The following CPHXL2 variants were observed in gnomAD, a reference collection of about 807,000 sequenced individuals.
CPHXL2 encodes cytoplasmic polyadenylated homeobox-like protein 2.
At chr16:75,673,268 C>A in the CPHXL2 span, among the ~76,000 whole-genome samples, 138 of 151,850 alleles carry the variant, frequency 9.1e-4, no homozygotes, top group African/African-American at 3.1e-3. Flanking sequence ...AACCTCTTCT[C>A]TACGAAAAAT....
chr16:75,674,372 C>CAAAAAAAAAAAAAAA, the CPHXL2 span, among the ~76,000 whole-genome samples: 1 of 53,400 alleles, frequency 1.9e-5, no homozygotes, highest in Non-Finnish European at 3.7e-5. Context: ...GACTCCGTCT[C>CAAAAAAAAAAAAAAA]AAAAAAAAAA....
the CPHXL2 span, among the ~76,000 whole-genome samples, chr16:75,670,042 G>A: frequency 6.6e-6 from 1 of 152,110 alleles, no homozygotes; most frequent in African/African-American, 2.4e-5. Context: ...AGCCTCCCAA[G>A]TAGCTGGGAT....
At chr16:75,675,256 G>A in the CPHXL2 span, among the ~76,000 whole-genome samples, 2 of 150,532 alleles carry the variant, frequency 1.3e-5, no homozygotes, top group South Asian at 2.1e-4. Flanking sequence ...TTTTGACCTC[G>A]TGATCTGCCC....
the CPHXL2 span, chr16:75,660,813 T>C: frequency 2.5e-6 from 1 of 398,602 alleles, no homozygotes; most frequent in Non-Finnish European, 4.4e-6. Context: ...GAGAAAACGA[T>C]AGGCAGTAGA....
chr16:75,662,796 CTTTTTTTT>C, the CPHXL2 span, among the ~76,000 whole-genome samples: 1 of 123,140 alleles, frequency 8.1e-6, no homozygotes, highest in Non-Finnish European at 1.7e-5. Flanking sequence ...GGAGATAATT[CTTTTTTTT>C]TTTTTTTTTT....
the CPHXL2 span, among the ~76,000 whole-genome samples, chr16:75,667,806 A>T: frequency 6.6e-6 from 1 of 152,250 alleles, no homozygotes; most frequent in Non-Finnish European, 1.5e-5. Flanking sequence ...ACATGTGTCC[A>T]AAATGTAAAC....
the CPHXL2 span, among the ~76,000 whole-genome samples, chr16:75,668,224 C>T: frequency 2.3e-4 from 24 of 105,346 alleles, no homozygotes; most frequent in African/African-American, 1.5e-3. Context: ...TATATATATA[C>T]ATATATATTT....
At chr16:75,666,315 C>A in the CPHXL2 span, among the ~76,000 whole-genome samples, 3 of 152,068 alleles carry the variant, frequency 2.0e-5, no homozygotes, top group Non-Finnish European at 4.4e-5. Flanking sequence ...ATGGGATAGA[C>A]AGCAATACAA....
At chr16:75,665,708 C>A in the CPHXL2 span, among the ~76,000 whole-genome samples, 1 of 152,062 alleles carries the variant, frequency 6.6e-6, no homozygotes. Flanking sequence ...ACTAAAAATA[C>A]AAAAATTATC....
the CPHXL2 span, among the ~76,000 whole-genome samples, chr16:75,667,661 G>C: frequency 8.5e-5 from 13 of 152,350 alleles, no homozygotes; most frequent in South Asian, 2.5e-3. Flanking sequence ...GCTTGTGCCA[G>C]ATCCCAGGGC....
the CPHXL2 span, among the ~76,000 whole-genome samples, chr16:75,666,116 C>G: frequency 6.6e-6 from 1 of 152,060 alleles, no homozygotes; most frequent in African/African-American, 2.4e-5. Flanking sequence ...ATACCAAAAG[C>G]AAGCAGGAGT....
the CPHXL2 span, among the ~76,000 whole-genome samples, chr16:75,673,977 C>T: frequency 3.2e-4 from 38 of 118,966 alleles, no homozygotes; most frequent in Non-Finnish European, 5.7e-4. Flanking sequence ...GAGATCTCGT[C>T]TTAAAAAAAA....
chr16:75,661,060 G>T, the CPHXL2 span: 3 of 400,808 alleles, frequency 7.5e-6, no homozygotes, highest in Non-Finnish European at 1.3e-5. Flanking sequence ...GAGCAACCAG[G>T]TCTTCTCATC....
At chr16:75,662,558 A>G in the CPHXL2 span, among the ~76,000 whole-genome samples, 1 of 152,014 alleles carries the variant, frequency 6.6e-6, no homozygotes, top group Non-Finnish European at 1.5e-5. Context: ...AGAAAAAGAC[A>G]TAGCTTTGGA....
chr16:75,671,220 C>T, the CPHXL2 span, among the ~76,000 whole-genome samples: 2 of 152,042 alleles, frequency 1.3e-5, no homozygotes, highest in East Asian at 1.9e-4. Flanking sequence ...ATTAGCCAGG[C>T]GTGGTGGTGT....
the CPHXL2 span, among the ~76,000 whole-genome samples, chr16:75,664,817 C>G: frequency 3.0e-4 from 46 of 152,074 alleles, no homozygotes; most frequent in African/African-American, 1.0e-3. Context: ...GGTGGCTTTA[C>G]AAGAGTAAGA....
chr16:75,666,402 C>G, the CPHXL2 span, among the ~76,000 whole-genome samples: 3 of 152,078 alleles, frequency 2.0e-5, no homozygotes, highest in East Asian at 3.9e-4. Flanking sequence ...GTCAGATCAC[C>G]TGAGGTCAGG....
the CPHXL2 span, chr16:75,669,489 G>A: frequency 5.0e-6 from 2 of 400,260 alleles, no homozygotes; most frequent in Non-Finnish European, 8.8e-6. Context: ...ATTTATGTCG[G>A]TGTTTTGTTT....
At chr16:75,672,245 C>T in the CPHXL2 span, among the ~76,000 whole-genome samples, 1 of 151,318 alleles carries the variant, frequency 6.6e-6, no homozygotes, top group African/African-American at 2.4e-5. Context: ...CACCACTGCA[C>T]TCCTGCCTGG....
Sources: gnomAD v4.1 joint callset for allele counts (sites outside exome capture counted in the v4.1 genomes callset) on GRCh38, gnomAD v4.1.1 for gene constraint, MANE v1.5 for transcripts, NCBI Gene and HGNC (gene_info 2026-07-23, HGNC 2026-07-21) for gene names.